The following GABRB2 variants were observed in gnomAD, a reference collection of about 807,000 sequenced individuals.
GABRB2 encodes gamma-aminobutyric acid type A receptor subunit beta2.
A neutral mutation model predicts 54.7 loss-of-function variants in GABRB2; 16 were observed. The ratio of observed to expected loss-of-function variants is 0.29; its 90% CI spans 0.20 to 0.44. GABRB2 has a LOEUF of 0.44. Among genes scored for constraint, GABRB2 ranks in the 20% least tolerant of loss-of-function variants. GABRB2 has a pLI of 1.00. For missense variants in GABRB2, 355 were observed against 644.0 expected, an observed-to-expected ratio of 0.55 and a Z score of 4.86; for synonymous variants, 244 against 233.8, an observed-to-expected ratio of 1.04 and a Z score of -0.40.
At chr5:161,396,873 G>C (rs1354765234) in intron 5 of GABRB2, among the ~76,000 whole-genome samples, 1 of 152,088 alleles carries the variant, frequency 6.6e-6, no homozygotes, top group Non-Finnish European at 1.5e-5. Flanking sequence ...ACTTCCAAAT[G>C]TAACTTTGAA....
At chr5:161,517,908 T>C (rs1177043909) in intron 3 of GABRB2, among the ~76,000 whole-genome samples, 1 of 152,002 alleles carries the variant, frequency 6.6e-6, no homozygotes, top group African/African-American at 2.4e-5. Context: ...ACCAGACTCC[T>C]GCCTCAGCCT....
At chr5:161,321,881 C>T (rs972952480) in intron 9 of GABRB2, among the ~76,000 whole-genome samples, 1 of 151,878 alleles carries the variant, frequency 6.6e-6, no homozygotes, top group Non-Finnish European at 1.5e-5. Flanking sequence ...GTTATACATA[C>T]CTGTAAATAA....
At chr5:161,408,387 A>G (rs1466636991) in intron 5 of GABRB2, among the ~76,000 whole-genome samples, 1 of 152,108 alleles carries the variant, frequency 6.6e-6, no homozygotes, top group Non-Finnish European at 1.5e-5. Flanking sequence ...TCACCTCAAT[A>G]AAGGAGGCCA....
At chr5:161,523,795 T>C (rs1315941225) in intron 3 of GABRB2, among the ~76,000 whole-genome samples, 1 of 150,986 alleles carries the variant, frequency 6.6e-6, no homozygotes, top group Non-Finnish European at 1.5e-5. Flanking sequence ...CTTATATATA[T>C]ACTGTAGGAC....
At chr5:161,296,051 T>G (rs1757372846) in intron 9 of GABRB2, among the ~76,000 whole-genome samples, 1 of 152,316 alleles carries the variant, frequency 6.6e-6, no homozygotes, top group Non-Finnish European at 1.5e-5. Context: ...GCTCACAACA[T>G]TCCTTGGAAG....
At chr5:161,473,184 A>T (rs576849852) in intron 3 of GABRB2, among the ~76,000 whole-genome samples, 60 of 152,164 alleles carry the variant, frequency 3.9e-4, no homozygotes, top group African/African-American at 1.4e-3. Context: ...GGATTTTCCA[A>T]ATTCTCTATT....
At chr5:161,479,302 A>C (rs1758684130) in intron 3 of GABRB2, among the ~76,000 whole-genome samples, 1 of 152,044 alleles carries the variant, frequency 6.6e-6, no homozygotes, top group Non-Finnish European at 1.5e-5. Flanking sequence ...GTTGAAGTGG[A>C]ATACCCTCCT....
rs538877785 is a variant in GABRB2 at position 161,342,637 on chromosome 5, C to T, written c.542-5868G>A. Among the ~76,000 whole-genome samples, 9 of 152,152 alleles carry T rather than the reference C, an allele frequency of 5.9e-5. No individual in the cohort carries two copies. The East Asian group carries it at 1.7e-3, about 29-fold the overall frequency. ...ATAAAAATACCCTCCCTGGTATAAT[C>T]ATTCCATAAAATACTGGATTGCAAT... On this transcript the variant is annotated intron_variant, in intron 5 of 9. Transcript: ENST00000393959.
At chr5:161,348,471 G>C (rs895842248) in intron 5 of GABRB2, among the ~76,000 whole-genome samples, 2 of 151,860 alleles carry the variant, frequency 1.3e-5, no homozygotes, top group Non-Finnish European at 2.9e-5. Flanking sequence ...TTAGCTCCTG[G>C]AAAACATGAC....
At chr5:161,473,934 G>T (rs1296819303) in intron 3 of GABRB2, among the ~76,000 whole-genome samples, 6 of 151,960 alleles carry the variant, frequency 3.9e-5, no homozygotes, top group African/African-American at 9.7e-5. Flanking sequence ...TGGTAGAAGA[G>T]AAAAAGTATA....
chr5:161,305,000 AAT>A (rs1491437675), intron 9 of GABRB2, among the ~76,000 whole-genome samples: 2 of 134,856 alleles, frequency 1.5e-5, no homozygotes, highest in Non-Finnish European at 3.1e-5. Context: ...ATGATATATC[AAT>A]TTTTTTTTTT....
intron 5 of GABRB2, among the ~76,000 whole-genome samples, chr5:161,370,775 A>G (rs983888603): frequency 1.3e-5 from 2 of 152,158 alleles, no homozygotes; most frequent in Non-Finnish European, 2.9e-5. Flanking sequence ...GGCCACCTTT[A>G]TTACTCACCG....
chr5:161,382,951 C>T (rs1451281092), intron 5 of GABRB2, among the ~76,000 whole-genome samples: 1 of 152,192 alleles, frequency 6.6e-6, no homozygotes, highest in Non-Finnish European at 1.5e-5. Context: ...AGCCTCTGCT[C>T]ATCCTGCAAA....
intron 3 of GABRB2, among the ~76,000 whole-genome samples, chr5:161,465,648 T>C (rs1346615731): frequency 6.6e-6 from 1 of 152,116 alleles, no homozygotes; most frequent in Non-Finnish European, 1.5e-5. Context: ...CTTTTTTAAG[T>C]TTATTGTTTT....
chr5:161,475,328 T>C (rs1020259210), intron 3 of GABRB2, among the ~76,000 whole-genome samples: 5 of 151,924 alleles, frequency 3.3e-5, no homozygotes, highest in African/African-American at 1.2e-4. Flanking sequence ...CCTCACTTTA[T>C]TATTATTATT....
At chr5:161,482,915 T>C (rs560641700) in intron 3 of GABRB2, among the ~76,000 whole-genome samples, 3 of 152,188 alleles carry the variant, frequency 2.0e-5, no homozygotes, top group South Asian at 4.1e-4. Flanking sequence ...ATTTTACATA[T>C]CATCAGCCTA....
intron 3 of GABRB2, among the ~76,000 whole-genome samples, chr5:161,538,712 T>C (rs999187972): frequency 4.6e-5 from 7 of 152,038 alleles, no homozygotes; most frequent in Non-Finnish European, 8.8e-5. Context: ...TAGTCCCAGC[T>C]ACTCGGGAGA....
At chr5:161,396,057 G>T (rs1755991102) in intron 5 of GABRB2, among the ~76,000 whole-genome samples, 1 of 152,156 alleles carries the variant, frequency 6.6e-6, no homozygotes, top group Non-Finnish European at 1.5e-5. Context: ...TCTTTGAGTG[G>T]AAATTTTAAA....
rs77212202 is a variant in GABRB2, at chr5:161,318,352, T to C, written c.1191+8016A>G. On this transcript the variant is annotated intron_variant, in intron 9 of 9. Transcript: ENST00000393959. ...TTTTTGCCTTTTATGTATTTCTGCC[T>C]ATTTTTAGAAAAATATTTCAATCTT... Among the ~76,000 whole-genome samples the C allele has an allele frequency of 6.4e-3, 980 of 152,164 alleles. 41 individuals are homozygous for C. The East Asian group carries it at 0.11, about 18-fold the overall frequency.
Sources: gnomAD v4.1 joint callset for allele counts (sites outside exome capture counted in the v4.1 genomes callset) on GRCh38, gnomAD v4.1.1 for gene constraint, MANE v1.5 for transcripts, NCBI Gene and HGNC (gene_info 2026-07-23, HGNC 2026-07-21) for gene names.